Variants in SLIT3 observed in about 807,000 individuals in gnomAD.
SLIT3 encodes the protein slit guidance ligand 3.
SLIT3 carries 68 observed loss-of-function variants against 184.0 expected under a neutral mutation model. The ratio of observed to expected loss-of-function variants is 0.37; its 90% CI spans 0.30 to 0.45. The LOEUF (loss-of-function observed/expected upper bound fraction) is 0.45, where lower values mean the gene tolerates loss of function less well. Among genes scored for constraint, SLIT3 ranks in the 20% least tolerant of loss-of-function variants. The probability of loss-of-function intolerance (pLI) is 1.00; values close to 1 mark genes in which losing one functional copy is unlikely to be tolerated. For missense variants in SLIT3, 1,707 were observed against 2,026.0 expected (o/e 0.84, Z 3.02); for synonymous variants, 831 against 828.6 (o/e 1.00, Z -0.05).
intron 20 of SLIT3, among the ~76,000 whole-genome samples, chr5:168,739,987 T>A (rs1763571139): frequency 6.6e-6 from 1 of 152,246 alleles, no homozygotes; most frequent in African/African-American, 2.4e-5. Flanking sequence ...ATTGTTACTT[T>A]TAAATGGAAT....
chr5:168,939,104 C>T (rs116747916), intron 4 of SLIT3, among the ~76,000 whole-genome samples: 4,966 of 152,184 alleles, frequency 0.033, 125 homozygotes, highest in African/African-American at 0.06. Flanking sequence ...GAGAAGCATG[C>T]GAGGAACCGG....
rs561177562 is a variant in SLIT3, at chr5:169,085,134, T to C, written c.413+108345A>G. ...TCTATAGACTCCAGGTTTCTTTCTTTCTTAAATTCAGCCCTCCAACTTCTA... is the reference window on the plus strand; with the variant it reads ...TCTATAGACTCCAGGTTTCTTTCTTCCTTAAATTCAGCCCTCCAACTTCTA... On this transcript the variant is annotated intron_variant, in intron 4 of 35. Transcript: ENST00000519560. Among the ~76,000 whole-genome samples, 13 of 152,356 alleles carry C rather than the reference T, an allele frequency of 8.5e-5. No homozygotes were observed. The East Asian group carries it at 1.3e-3, about 16-fold the overall frequency.
intron 4 of SLIT3, among the ~76,000 whole-genome samples, chr5:169,190,258 C>T (rs912650250): frequency 3.9e-5 from 6 of 152,228 alleles, no homozygotes; most frequent in Non-Finnish European, 1.5e-5. Context: ...CCAAGGCCCT[C>T]TTCACCAGGA....
intron 4 of SLIT3, among the ~76,000 whole-genome samples, chr5:169,027,471 A>G (rs1756870946): frequency 6.6e-6 from 1 of 152,172 alleles, no homozygotes; most frequent in South Asian, 2.1e-4. Flanking sequence ...CTCCAGCACA[A>G]TGCAGTTTTT....
chr5:169,048,543 A>T (rs557169678), intron 4 of SLIT3, among the ~76,000 whole-genome samples: 1 of 152,338 alleles, frequency 6.6e-6, no homozygotes, highest in East Asian at 1.9e-4. Context: ...GAAGTCAGGC[A>T]TCACCGGCGG....
chr5:168,852,202 G>A (rs1464942383), intron 5 of SLIT3, among the ~76,000 whole-genome samples: 1 of 152,206 alleles, frequency 6.6e-6, no homozygotes, highest in African/African-American at 2.4e-5. Flanking sequence ...GGCGCAGGAG[G>A]GAGGAAGAAG....
intron 4 of SLIT3, among the ~76,000 whole-genome samples, chr5:168,957,600 G>T (rs530646826): frequency 5.0e-4 from 76 of 152,298 alleles, no homozygotes; most frequent in Non-Finnish European, 5.1e-4. Flanking sequence ...GAATAGCCAG[G>T]GCCTAGCAAT....
intron 20 of SLIT3, among the ~76,000 whole-genome samples, chr5:168,726,268 CA>C (rs1763104448): frequency 6.7e-6 from 1 of 150,008 alleles, no homozygotes; most frequent in African/African-American, 2.5e-5. Flanking sequence ...TATGATGTAC[CA>C]AGTATCGTAT....
intron 4 of SLIT3, among the ~76,000 whole-genome samples, chr5:169,050,246 G>GTA (rs1395991693): frequency 6.6e-6 from 1 of 152,194 alleles, no homozygotes; most frequent in Non-Finnish European, 1.5e-5. Context: ...ATGCAGCACT[G>GTA]TATCTCCTCA....
At chr5:169,288,941 A>T (rs1767250076) in intron 1 of SLIT3, among the ~76,000 whole-genome samples, 1 of 152,222 alleles carries the variant, frequency 6.6e-6, no homozygotes, top group Non-Finnish European at 1.5e-5. Context: ...ATATACCCTG[A>T]TCGTCTTCCA....
chr5:169,265,529 G>C (rs907731860), intron 1 of SLIT3, among the ~76,000 whole-genome samples: 2 of 152,142 alleles, frequency 1.3e-5, no homozygotes, highest in African/African-American at 4.8e-5. Context: ...CAGAGTTTGA[G>C]ATCCCTGCTG....
chr5:168,876,590 A>G lies in SLIT3; in HGVS notation c.485+6675T>C, dbSNP rs116435816. Among the ~76,000 whole-genome samples the G allele has an allele frequency of 5.4e-3, 815 of 152,166 alleles. 8 individuals carry two copies. The highest frequency in any genetic ancestry group is 0.019 in the African/African-American group (789 of 41,516). On this transcript the variant is annotated intron_variant, in intron 5 of 35. Coordinates refer to ENST00000519560, the MANE Select transcript of SLIT3 (RefSeq NM_003062.4). The stretch of plus-strand genomic sequence containing the variant: ...ATGCTGTTCCTTCTTCCTGCAATAC[A>G]TTTCCCCTAGATGAACTCCTATGCA...
chr5:168,848,608 A>G (rs1048559738), intron 5 of SLIT3, among the ~76,000 whole-genome samples: 5 of 152,180 alleles, frequency 3.3e-5, no homozygotes, highest in African/African-American at 1.2e-4. Flanking sequence ...GGAAGCTCGA[A>G]TTTCGGCAAA....
At chr5:169,227,066 A>G (rs1764839113) in intron 3 of SLIT3, among the ~76,000 whole-genome samples, 1 of 152,150 alleles carries the variant, frequency 6.6e-6, no homozygotes, top group Non-Finnish European at 1.5e-5. Context: ...GTTCCAGGCA[A>G]CCACAGGTCT....
chr5:168,820,336 T>A (rs1019518817), intron 7 of SLIT3, among the ~76,000 whole-genome samples: 1 of 152,162 alleles, frequency 6.6e-6, no homozygotes, highest in African/African-American at 2.4e-5. Context: ...CAGGCTGTGA[T>A]GGCAAACTGC....
intron 4 of SLIT3, among the ~76,000 whole-genome samples, chr5:168,970,115 A>G (rs1434756633): frequency 6.6e-6 from 1 of 152,142 alleles, no homozygotes; most frequent in Non-Finnish European, 1.5e-5. Flanking sequence ...CAGGAGGCGG[A>G]GTTTGCAGTG....
At chr5:169,207,370 T>TAC (rs56721949) in intron 3 of SLIT3, among the ~76,000 whole-genome samples, 4,762 of 131,858 alleles carry the variant, frequency 0.036, 94 homozygotes, top group East Asian at 0.079. Context: ...TACACATACA[T>TAC]ACACACACAC....
chr5:168,816,624 C>T (rs186367814), intron 8 of SLIT3, among the ~76,000 whole-genome samples: 4 of 152,312 alleles, frequency 2.6e-5, no homozygotes, highest in African/African-American at 7.2e-5. Context: ...GCAATCTGTG[C>T]TTCTGTTACA....
At chr5:168,760,815 C>G in intron 16 of SLIT3, 47 bp downstream of exon 16, 1 of 1,407,656 alleles carries the variant, frequency 7.1e-7, no homozygotes, top group Non-Finnish European at 1.0e-6. Flanking sequence ...AACACAGGCT[C>G]TGGCTAGAGA....
Sources: allele counts gnomAD v4.1 joint callset (sites outside exome capture counted in the v4.1 genomes callset), GRCh38; gene constraint gnomAD v4.1.1; transcripts MANE v1.5; gene names NCBI Gene and HGNC (gene_info 2026-07-23, HGNC 2026-07-21).